Variants in NALF1 observed in about 807,000 individuals in gnomAD.
The protein encoded by NALF1 is NALCN channel auxiliary factor 1.
In NALF1, 3 loss-of-function variants were observed where a neutral mutation model predicts 48.4. The observed-to-expected ratio is 0.06, with a 90% CI of 0.03 to 0.16. The LOEUF is 0.16. NALF1 is among the 10% of genes least tolerant of loss of function. The pLI, the probability that NALF1 is intolerant of heterozygous loss-of-function variation, is 1.00. For synonymous variants in NALF1, 262 were observed against 245.7 expected, an observed-to-expected ratio of 1.07 and a Z score of -0.62; for missense variants, 526 against 571.5, an observed-to-expected ratio of 0.92 and a Z score of 0.81.
At chr13:107,845,276 G>A (rs1202782478) in intron 1 of NALF1, among the ~76,000 whole-genome samples, 1 of 152,116 alleles carries the variant, frequency 6.6e-6, no homozygotes, top group East Asian at 1.9e-4. Flanking sequence ...GCTATTAGGC[G>A]GCATAAGCTT....
At chr13:107,209,186 T>C (rs929617482) in intron 2 of NALF1, among the ~76,000 whole-genome samples, 4 of 152,190 alleles carry the variant, frequency 2.6e-5, no homozygotes, top group African/African-American at 9.7e-5. Flanking sequence ...TCACGTGTTC[T>C]TTCCACAAGC....
chr13:107,606,498 T>C (rs543300958), intron 1 of NALF1, among the ~76,000 whole-genome samples: 23 of 152,210 alleles, frequency 1.5e-4, no homozygotes, highest in African/African-American at 5.5e-4. Context: ...CCTAAGTAGC[T>C]GGGATTACAG....
intron 1 of NALF1, among the ~76,000 whole-genome samples, chr13:107,568,320 G>T (rs573057514): frequency 6.6e-6 from 1 of 152,248 alleles, no homozygotes; most frequent in African/African-American, 2.4e-5. Context: ...TCATTCTGTG[G>T]ATATACCACA....
chr13:107,799,723 A>C (rs1174108520), intron 1 of NALF1, among the ~76,000 whole-genome samples: 3 of 152,214 alleles, frequency 2.0e-5, no homozygotes, highest in African/African-American at 7.2e-5. Context: ...AAGAATATTG[A>C]TAATTTGAAA....
intron 1 of NALF1, among the ~76,000 whole-genome samples, chr13:107,400,445 A>G (rs779322154): frequency 3.9e-5 from 6 of 151,996 alleles, no homozygotes; most frequent in Non-Finnish European, 7.4e-5. Context: ...GGTGGGCGTG[A>G]TGGTTCACAC....
At chr13:107,525,520 G>A (rs975822406) in intron 1 of NALF1, among the ~76,000 whole-genome samples, 4 of 151,994 alleles carry the variant, frequency 2.6e-5, no homozygotes, top group South Asian at 2.1e-4. Flanking sequence ...CTTTCACCCC[G>A]TGGAAGATGC....
intron 1 of NALF1, among the ~76,000 whole-genome samples, chr13:107,855,058 G>A (rs747146646): frequency 2.0e-5 from 3 of 152,112 alleles, no homozygotes; most frequent in Non-Finnish European, 4.4e-5. Context: ...TGCTGGTGAG[G>A]TGTAGCAGGG....
chr13:107,453,563 G>A (rs2139037145), intron 1 of NALF1, among the ~76,000 whole-genome samples: 1 of 152,294 alleles, frequency 6.6e-6, no homozygotes, highest in African/African-American at 2.4e-5. Flanking sequence ...TTTCTTCCTA[G>A]GCCTCCAGGC....
intron 1 of NALF1, among the ~76,000 whole-genome samples, chr13:107,463,353 A>G (rs970693857): frequency 1.3e-5 from 2 of 152,204 alleles, no homozygotes; most frequent in African/African-American, 2.4e-5. Context: ...ACACAATTCT[A>G]TGGGCCCAGA....
In NALF1 at chr13:107,351,391, CTGAGA is replaced by C. The variant is rs1328528185; in HGVS notation, c.916-140641_916-140637del. ...GGAGAGGAGGTTCATGCTTACGGGT[CTGAGA>C]TAAGACCTGTTTCCCAGGACTTTCT... is the stretch of plus-strand genomic sequence containing the variant. On this transcript the variant is annotated intron_variant, in intron 1 of 2. Coordinates refer to ENST00000375915, the MANE Select transcript of NALF1 (RefSeq NM_001080396.3). Among the ~76,000 whole-genome samples, 8 of 152,212 alleles carry C rather than the reference CTGAGA, an allele frequency of 5.3e-5. No individual in the cohort carries two copies. In the East Asian group the frequency reaches 1.5e-3, roughly 29 times the overall value.
intron 1 of NALF1, among the ~76,000 whole-genome samples, chr13:107,715,291 C>T (rs532246656): frequency 1.7e-3 from 266 of 152,072 alleles, no homozygotes; most frequent in Non-Finnish European, 2.9e-3. Context: ...CAACCTCCGC[C>T]TCCCGGGTTG....
At chr13:107,786,515 G>T (rs1288893413) in intron 1 of NALF1, among the ~76,000 whole-genome samples, 2 of 149,584 alleles carry the variant, frequency 1.3e-5, no homozygotes, top group African/African-American at 4.9e-5. Context: ...CCTGAAGTCA[G>T]AAGTCAGGAG....
chr13:107,795,665 T>C (rs1023266871), intron 1 of NALF1, among the ~76,000 whole-genome samples: 1 of 152,170 alleles, frequency 6.6e-6, no homozygotes, highest in Non-Finnish European at 1.5e-5. Flanking sequence ...ATTATCATTG[T>C]TATTATCCTT....
chr13:107,679,630 G>T (rs1026674497), intron 1 of NALF1, among the ~76,000 whole-genome samples: 10 of 152,192 alleles, frequency 6.6e-5, no homozygotes, highest in African/African-American at 2.4e-4. Flanking sequence ...ACGGGGTCAG[G>T]GAGGTGTCAT....
intron 1 of NALF1, among the ~76,000 whole-genome samples, chr13:107,290,590 C>T (rs908923084): frequency 6.6e-6 from 1 of 152,080 alleles, no homozygotes; most frequent in African/African-American, 2.4e-5. Flanking sequence ...CGTGAGGCCT[C>T]CCCAGCCATG....
chr13:107,478,570 C>T (rs1262166501), intron 1 of NALF1, among the ~76,000 whole-genome samples: 2 of 151,996 alleles, frequency 1.3e-5, no homozygotes, highest in African/African-American at 4.8e-5. Context: ...TTTCATAGTA[C>T]GGATTTTTCG....
chr13:107,228,350 G>A lies in NALF1; in HGVS notation c.916-17595C>T, dbSNP rs1287248106. Among the ~76,000 whole-genome samples the A allele has an allele frequency of 5.3e-5, 8 of 152,178 alleles. 1 individual carries two copies. The East Asian group carries it at 1.5e-3, about 29-fold the overall frequency. On this transcript the variant is annotated intron_variant, in intron 1 of 2. Coordinates refer to ENST00000375915, the MANE Select transcript of NALF1 (RefSeq NM_001080396.3). ...CAATCCTGCATATCAAAGAAGTAGA[G>A]GGTGGAAAGAACTCAGTTATAGGAA... is the stretch of plus-strand genomic sequence containing the variant.
At chr13:107,258,491 C>T (rs1880866093) in intron 1 of NALF1, among the ~76,000 whole-genome samples, 1 of 152,088 alleles carries the variant, frequency 6.6e-6, no homozygotes, top group Admixed American at 6.6e-5. Flanking sequence ...TAAGATTGGT[C>T]AAATCTACAA....
At chr13:107,760,324 T>C (rs2138560759) in intron 1 of NALF1, among the ~76,000 whole-genome samples, 1 of 151,992 alleles carries the variant, frequency 6.6e-6, no homozygotes, top group East Asian at 1.9e-4. Context: ...AAAATCAACA[T>C]GATGCTTATT....
Sources: allele counts gnomAD v4.1 joint callset (sites outside exome capture counted in the v4.1 genomes callset), GRCh38; gene constraint gnomAD v4.1.1; transcripts MANE v1.5; gene names NCBI Gene and HGNC (gene_info 2026-07-23, HGNC 2026-07-21).